MACC1: variants seen among roughly 807,000 people sequenced by gnomAD.
The protein encoded by MACC1 is MET transcriptional regulator MACC1.
In MACC1, 79 loss-of-function variants were observed where a neutral mutation model predicts 70.7. That is an observed-to-expected ratio of 1.12 (90% CI 0.93 to 1.35). The LOEUF is 1.35. Among genes scored for constraint, MACC1 ranks in the 40% most tolerant of loss-of-function variants. The probability of loss-of-function intolerance (pLI) is 0.00; values close to 1 mark genes in which losing one functional copy is unlikely to be tolerated. For synonymous variants in MACC1, 361 were observed against 347.2 expected (o/e 1.04, Z -0.44); for missense variants, 1,106 against 978.1 (o/e 1.13, Z -1.74).
chr7:20,168,334 A>C (rs2128104023), intron 2 of MACC1, among the ~76,000 whole-genome samples: 1 of 152,366 alleles, frequency 6.6e-6, no homozygotes, highest in South Asian at 2.1e-4. Context: ...TGGTAGGACA[A>C]CTTCAAATAA....
chr7:20,200,068 C>A (rs7787871), intron 1 of MACC1, among the ~76,000 whole-genome samples: 2,293 of 148,880 alleles, frequency 0.015, 66 homozygotes, highest in African/African-American at 0.053. Context: ...TATATACATA[C>A]ATATATATGT....
intron 1 of MACC1, among the ~76,000 whole-genome samples, chr7:20,172,926 C>G (rs560372778): frequency 6.6e-6 from 1 of 152,234 alleles, no homozygotes; most frequent in African/African-American, 2.4e-5. Context: ...GTTGTCCCCA[C>G]AGCACCACCT....
intron 1 of MACC1, among the ~76,000 whole-genome samples, chr7:20,204,961 G>T (rs1782889746): frequency 6.6e-6 from 1 of 152,068 alleles, no homozygotes; most frequent in African/African-American, 2.4e-5. Context: ...CCTAGTTTAA[G>T]GATCTATAAT....
intron 1 of MACC1, among the ~76,000 whole-genome samples, chr7:20,197,527 A>C (rs1782771829): frequency 6.6e-6 from 1 of 152,182 alleles, no homozygotes; most frequent in Admixed American, 6.5e-5. Flanking sequence ...TTTAGCTTTT[A>C]ACATTATGGA....
intron 1 of MACC1, among the ~76,000 whole-genome samples, chr7:20,210,733 A>T (rs148112107): frequency 2.6e-5 from 4 of 152,324 alleles, no homozygotes; most frequent in African/African-American, 9.6e-5. Context: ...GTTCACTGCT[A>T]TATCCCACAA....
At chr7:20,213,168 G>GA (rs975117188) in intron 1 of MACC1, among the ~76,000 whole-genome samples, 4 of 152,014 alleles carry the variant, frequency 2.6e-5, no homozygotes, top group Non-Finnish European at 4.4e-5. Flanking sequence ...CCAATCATAT[G>GA]AAAAAAAGCT....
chr7:20,183,271 C>A (rs1782537358), intron 1 of MACC1, among the ~76,000 whole-genome samples: 2 of 152,190 alleles, frequency 1.3e-5, no homozygotes, highest in African/African-American at 2.4e-5. Context: ...ATATGAGCAG[C>A]CTCTAAGAGC....
At chr7:20,152,385 T>A (rs2128101621) in intron 6 of MACC1, among the ~76,000 whole-genome samples, 1 of 152,314 alleles carries the variant, frequency 6.6e-6, no homozygotes, top group African/African-American at 2.4e-5. Flanking sequence ...TGATCATATT[T>A]AGGAATCTCC....
At chr7:20,206,178 T>A (rs982313409) in intron 1 of MACC1, among the ~76,000 whole-genome samples, 8 of 151,700 alleles carry the variant, frequency 5.3e-5, no homozygotes, top group Non-Finnish European at 1.0e-4. Context: ...GGGGTCCTGA[T>A]CCCATCTTCA....
At chr7:20,164,967 T>C (rs78894331) in intron 2 of MACC1, among the ~76,000 whole-genome samples, 3,047 of 151,940 alleles carry the variant, frequency 0.02, 101 homozygotes, top group African/African-American at 0.067. Context: ...TAACCGTTGA[T>C]ATGAAAAATA....
Position 20,158,284 on chromosome 7 carries a change from C to T in MACC1, c.2077G>A (p.Val693Ile). ...QIQADKESEK[V>I]SYVIKKLKED... ...TTTAACTTCTTTATAACATAAGAAACTTTCTCTGATTCTTTGTCTGCTTGA... is the reference window on the plus strand; with the variant it reads ...TTTAACTTCTTTATAACATAAGAAATTTTCTCTGATTCTTTGTCTGCTTGA... The change falls in exon 5 of 7, where the codon GTT becomes ATT. Residue 693 changes from valine to isoleucine, a missense_variant. By Grantham distance (29) the Val-to-Ile change is conservative. Coordinates refer to ENST00000400331, the MANE Select transcript of MACC1 (RefSeq NM_182762.4). 5 of 1,612,496 alleles carry T rather than the reference C, an allele frequency of 3.1e-6. No homozygotes were observed. The highest frequency in any genetic ancestry group is 4.2e-6 in the Non-Finnish European group (5 of 1,179,700).
In MACC1 at chr7:20,187,267, C is replaced by G. The variant is rs188562397; in HGVS notation, c.-217-16489G>C. On this transcript the variant is annotated intron_variant, in intron 1 of 6. Coordinates refer to ENST00000400331, the MANE Select transcript of MACC1 (RefSeq NM_182762.4). ...GAGGACAATAGTAATAAAATTGTAA[C>G]TAGTTTTTAATTAAAGAGGGATAGG... 2.6e-5 allele frequency among the ~76,000 whole-genome samples: 4 copies of G among 152,128 alleles called. No homozygotes were observed. In the East Asian group the frequency reaches 7.7e-4, roughly 29 times the overall value.
Position 20,161,834 on chromosome 7 carries a change from C to A in MACC1, c.29G>T (p.Arg10Leu), listed in dbSNP as rs760137719. 2.5e-6 allele frequency: 4 copies of A among 1,611,610 alleles called. No individual in the cohort carries two copies. Among genetic ancestry groups the A allele is most frequent in the South Asian group, 2.2e-5 (2 of 90,924 alleles). The change falls in exon 4 of 7, where the codon CGG (arginine) becomes CTG (leucine). Residue 10 changes from arginine to leucine, a missense_variant. Physicochemically the swap from Arg to Leu is moderately radical, Grantham distance 102. Coordinates refer to ENST00000400331, the MANE Select transcript of MACC1 (RefSeq NM_182762.4). ...CATACTTTGTGCAATTCTTCCTGAC[C>A]GAAAATGTTTTCTTTCAGTGATTAG... MLITERKHF[R>L]SGRIAQSMSE...
chr7:20,177,382 T>C (rs901891642), intron 1 of MACC1, among the ~76,000 whole-genome samples: 3 of 152,160 alleles, frequency 2.0e-5, no homozygotes, highest in African/African-American at 7.2e-5. Flanking sequence ...TCTGTTGATG[T>C]GATAAAATCT....
chr7:20,216,349 A>C (rs552866226), intron 1 of MACC1, among the ~76,000 whole-genome samples: 1 of 152,258 alleles, frequency 6.6e-6, no homozygotes, highest in South Asian at 2.1e-4. Context: ...ATTGTGGTAA[A>C]AAACTTAACA....
At chr7:20,142,015 G>A (rs1319765097) in intron 6 of MACC1, 2 of 152,038 alleles carry the variant, frequency 1.3e-5, no homozygotes, top group African/African-American at 4.8e-5. Flanking sequence ...AATGAACCCT[G>A]CACTTGTAAG....
At chr7:20,209,973 T>C (rs532105331) in intron 1 of MACC1, among the ~76,000 whole-genome samples, 1 of 152,206 alleles carries the variant, frequency 6.6e-6, no homozygotes, top group South Asian at 2.1e-4. Context: ...TGCTGCCCTG[T>C]GAAGAGGTGC....
chr7:20,196,428 C>T (rs1562599807), intron 1 of MACC1, among the ~76,000 whole-genome samples: 2 of 152,152 alleles, frequency 1.3e-5, no homozygotes, highest in Non-Finnish European at 2.9e-5. Flanking sequence ...GATCCGCCCA[C>T]CTCGGCCTCC....
intron 1 of MACC1, among the ~76,000 whole-genome samples, chr7:20,182,283 T>C (rs979837341): frequency 1.3e-5 from 2 of 151,974 alleles, no homozygotes; most frequent in Admixed American, 1.3e-4. Context: ...ATGGCACATG[T>C]ATACATATGT....
Sources: allele counts gnomAD v4.1 joint callset (sites outside exome capture counted in the v4.1 genomes callset), GRCh38; gene constraint gnomAD v4.1.1; transcripts MANE v1.5; gene names NCBI Gene and HGNC (gene_info 2026-07-23, HGNC 2026-07-21).